Variants in COL8A2 observed in about 807,000 individuals in gnomAD.
COL8A2 encodes collagen type VIII alpha 2 chain.
Under a neutral mutation model 24.0 loss-of-function variants are expected in COL8A2, and 16 were observed. The ratio of observed to expected loss-of-function variants is 0.67; its 90% CI spans 0.45 to 1.01. The LOEUF (loss-of-function observed/expected upper bound fraction) is 1.01. COL8A2 is among the 50% of genes least tolerant of loss of function. The pLI is 0.00. For synonymous variants in COL8A2, 466 were observed against 424.5 expected, an observed-to-expected ratio of 1.10 and a Z score of -1.20; for missense variants, 818 against 942.4, an observed-to-expected ratio of 0.87 and a Z score of 1.73.
chr1:36,105,430 C>T (rs1338864896), intron 2 of COL8A2, among the ~76,000 whole-genome samples: 6 of 152,210 alleles, frequency 3.9e-5, no homozygotes, highest in Non-Finnish European at 8.8e-5. Context: ...ATGGAAGCTC[C>T]AACTGTAAGA....
intron 2 of COL8A2, 121 bp from the exon 3 acceptor site, chr1:36,100,379 A>G: frequency 1.1e-6 from 1 of 936,596 alleles, no homozygotes. Flanking sequence ...AAGGCTGAGA[A>G]GCAATTCCGA....
chr1:36,099,632 T>G, intron 3 of COL8A2, 145 bp from the exon 4 acceptor site: 1 of 699,804 alleles, frequency 1.4e-6, no homozygotes, highest in Admixed American at 2.3e-5. Context: ...AGATGGGGTT[T>G]GGGGGTGGCC....
At chr1:36,112,809 C>T (rs1000296403) in intron 2 of COL8A2, among the ~76,000 whole-genome samples, 1 of 152,152 alleles carries the variant, frequency 6.6e-6, no homozygotes, top group African/African-American at 2.4e-5. Flanking sequence ...TTCTGGGGCC[C>T]CATCGAGATT....
intron 3 of COL8A2, 57 bp from the exon 4 acceptor site, chr1:36,099,544 C>A: frequency 8.1e-7 from 1 of 1,233,768 alleles, no homozygotes; most frequent in South Asian, 1.3e-5. Context: ...ACAGGGGACC[C>A]CATCTACCCA....
Position 36,123,053 on chromosome 1 carries a change from T to C in COL8A2, c.-62+2004A>G, listed in dbSNP as rs1462192283. Among the ~76,000 whole-genome samples the C allele has an allele frequency of 6.6e-6, 1 of 152,076 alleles. No homozygotes were observed. The highest frequency in any genetic ancestry group is 2.4e-5 in the African/African-American group (1 of 41,410). On this transcript the variant is annotated intron_variant, in intron 1 of 3. Coordinates refer to ENST00000397799, the MANE Select transcript of COL8A2 (RefSeq NM_005202.4). The surrounding 1 kb of genome is among the most constrained non-coding windows in gnomAD (Gnocchi z 4.1). ...CTTCGAAAGCCCTGGCCAGATTACC[T>C]CTTAGGTGCCACCTTCCCTGATCTG...
intron 1 of COL8A2, among the ~76,000 whole-genome samples, chr1:36,121,718 A>T (rs921057731): frequency 2.2e-3 from 12 of 5,506 alleles, no homozygotes; most frequent in Non-Finnish European, 0.01. Flanking sequence ...AAAAAAAATT[A>T]AAAAAAAAAG....
rs1643714587 is a variant in COL8A2, at chr1:36,103,685, G to T, written c.-16-3427C>A. On this transcript the variant is annotated intron_variant, in intron 2 of 3. Coordinates refer to ENST00000397799, the MANE Select transcript of COL8A2 (RefSeq NM_005202.4). Reference sequence around the variant, plus strand: ...TGCAACCTCTGCTTCCCGGGTTCAAGCTATTCTCCTGCCTCAGCCTCCTGA... The same window carrying T: ...TGCAACCTCTGCTTCCCGGGTTCAATCTATTCTCCTGCCTCAGCCTCCTGA... Among the ~76,000 whole-genome samples the T allele has an allele frequency of 3.3e-5, 5 of 150,870 alleles. No individual in the cohort carries two copies. In the South Asian group the frequency reaches 1.1e-3, roughly 32 times the overall value.
intron 2 of COL8A2, among the ~76,000 whole-genome samples, chr1:36,104,752 G>A (rs942994045): frequency 3.3e-5 from 5 of 152,118 alleles, no homozygotes; most frequent in East Asian, 1.9e-4. Context: ...CCGAGGTCGC[G>A]CCACTGCACT....
In COL8A2 at chr1:36,098,678, G is replaced by C. The variant is rs1169373898; in HGVS notation, c.1003C>G (p.Leu335Val). The change falls in exon 4 of 4, where the codon CTC becomes GTC. Residue 335 changes from leucine (L) to valine (V), a missense_variant. This residue lies in a region of COL8A2 where 573 missense variants were observed against 616.8 expected (regional missense o/e 0.93). Coordinates refer to ENST00000397799, the MANE Select transcript of COL8A2 (RefSeq NM_005202.4). ...GDRGPAGVPGLLGDRGEPGED... is the reference protein window; with the variant it reads ...GDRGPAGVPGVLGDRGEPGED... ...CCTGGCTCACCCCTGTCCCCCAAGAGTCCTGGGACCCCAGCTGGGCCCCTG... is the reference window on the plus strand; with the variant it reads ...CCTGGCTCACCCCTGTCCCCCAAGACTCCTGGGACCCCAGCTGGGCCCCTG... The C allele has an allele frequency of 6.2e-7, 1 of 1,609,684 alleles. No individual in the cohort carries two copies. The highest frequency in any genetic ancestry group is 1.7e-5 in the Admixed American group (1 of 59,910).
Position 36,096,951 on chromosome 1 carries a change from G to A in COL8A2, c.*618C>T, listed in dbSNP as rs1238165788. The A allele has an allele frequency of 6.5e-6, 1 of 153,292 alleles. No homozygotes were observed. Among genetic ancestry groups the A allele is most frequent in the Non-Finnish European group, 1.5e-5 (1 of 68,864 alleles). The allele number at this position is 153,292 out of a possible 1,614,324, so 9.5% of individuals were successfully genotyped here. On this transcript the variant is annotated 3_prime_UTR_variant, in exon 4 of 4. Coordinates refer to ENST00000397799, the MANE Select transcript of COL8A2 (RefSeq NM_005202.4). ...GCTGCCACTGGAGCAGTGAAAGGGA[G>A]GTTGCCCTTTCCCAGGGCAACAGGC...
Position 36,098,767 on chromosome 1 carries a change from C to T in COL8A2, c.914G>A (p.Gly305Asp). ...AGTGGGGCCTATCAGCCCAGGGGGG[C>T]CCCGGGTCCCTGGCTCCCCTTTGGC... Reference protein sequence around the residue: ...SGAKGEPGTRGPPGLIGPTGY... With the variant: ...SGAKGEPGTRDPPGLIGPTGY... The change falls in exon 4 of 4, where the codon GGC becomes GAC. Residue 305 changes from glycine to aspartate, a missense_variant. Coordinates refer to ENST00000397799, the MANE Select transcript of COL8A2 (RefSeq NM_005202.4). 1 of 1,611,872 alleles carries T rather than the reference C, an allele frequency of 6.2e-7. No homozygotes were observed. Among genetic ancestry groups the T allele is most frequent in the Non-Finnish European group, 8.5e-7 (1 of 1,179,658 alleles).
chr1:36,096,497 A>G lies in COL8A2; in HGVS notation c.*1072T>C, dbSNP rs747883322. 1.3e-5 allele frequency: 2 copies of G among 152,054 alleles called. No individual in the cohort carries two copies. The highest frequency in any genetic ancestry group is 2.4e-5 in the African/African-American group (1 of 41,360). The allele number at this position is 152,054 out of a possible 1,614,324, so 9.4% of individuals were successfully genotyped here. A position where few individuals can be genotyped will look rare whatever the true frequency, so the allele number is the denominator to read the frequency against. ...CCTCTTGTACACACATACACCCACC[A>G]TATGGTTCTTATTAAGGAAAAGGAA... is the stretch of plus-strand genomic sequence containing the variant. On this transcript the variant is annotated 3_prime_UTR_variant, in exon 4 of 4. Coordinates refer to ENST00000397799, the MANE Select transcript of COL8A2 (RefSeq NM_005202.4).
intron 2 of COL8A2, among the ~76,000 whole-genome samples, chr1:36,107,140 A>G (rs1286542203): frequency 6.6e-6 from 1 of 152,198 alleles, no homozygotes; most frequent in Non-Finnish European, 1.5e-5. Flanking sequence ...GCGGTGGCTC[A>G]TGCCTGTAAT....
At chr1:36,101,716 G>A (rs570851850) in intron 2 of COL8A2, among the ~76,000 whole-genome samples, 55 of 152,264 alleles carry the variant, frequency 3.6e-4, no homozygotes, top group South Asian at 4.1e-4. Flanking sequence ...ATGTGGTATC[G>A]CCATACAATG....
At position 36,125,078 on chromosome 1, in the gene COL8A2, G is replaced by A; in HGVS notation, c.-83C>T. On this transcript the variant is annotated 5_prime_UTR_variant, in exon 1 of 4. Coordinates refer to ENST00000397799, the MANE Select transcript of COL8A2 (RefSeq NM_005202.4). This position sits in a 1 kb window ranked among gnomAD's most constrained non-coding sequence, Gnocchi z 4.5. ...TTACCTGCGGGCGCGGCCGCCGGGC[G>A]CCGCTCCCGGCCCTCGAGGGCGGCC... 1.0e-6 allele frequency: 1 copy of A among 979,520 alleles called. No homozygotes were observed. Among genetic ancestry groups the A allele is most frequent in the Non-Finnish European group, 1.2e-6 (1 of 826,164 alleles). 60.7% of individuals were successfully genotyped at this position (979,520 alleles called of 1,614,324 possible). A position where few individuals can be genotyped will look rare whatever the true frequency, so the allele number is the denominator to read the frequency against.
At chr1:36,120,179 T>C (rs1643900123) in intron 1 of COL8A2, among the ~76,000 whole-genome samples, 1 of 152,142 alleles carries the variant, frequency 6.6e-6, no homozygotes, top group African/African-American at 2.4e-5. Context: ...CCACACACTG[T>C]AGACGTACGA....
chr1:36,106,884 C>T (rs1213920261), intron 2 of COL8A2, among the ~76,000 whole-genome samples: 2 of 152,180 alleles, frequency 1.3e-5, no homozygotes, highest in Non-Finnish European at 2.9e-5. Flanking sequence ...CTGCGTTCTG[C>T]TCGCTGAGGT....
intron 2 of COL8A2, among the ~76,000 whole-genome samples, chr1:36,109,639 A>C (rs928540451): frequency 6.8e-6 from 1 of 147,604 alleles, no homozygotes; most frequent in Non-Finnish European, 1.5e-5. Context: ...GCACGATCTC[A>C]GCTCACTGCA....
At position 36,098,115 on chromosome 1, in the gene COL8A2, CCCCGGAGGG is replaced by C. The variant is rs746919067; in HGVS notation, c.1557_1565del (p.Pro529_Gly531del). 5.3e-5 allele frequency: 79 copies of C among 1,499,256 alleles called. No individual in the cohort carries two copies. The highest frequency in any genetic ancestry group is 2.4e-4 in the Admixed American group (10 of 42,124). 92.9% of individuals were successfully genotyped at this position (1,499,256 alleles called of 1,614,324 possible). A position where few individuals can be genotyped will look rare whatever the true frequency, so the allele number is the denominator to read the frequency against. On this transcript the variant is annotated inframe_deletion, in exon 4 of 4. Coordinates refer to ENST00000397799, the MANE Select transcript of COL8A2 (RefSeq NM_005202.4). ...CAGGGGGTCCCGGGGGCCCGGGAGGCCCCGGAGGGCCCGTGATTCCAGGGGAGCCAGGGA... is the reference window on the plus strand; with the variant it reads ...CAGGGGGTCCCGGGGGCCCGGGAGGCCCCGTGATTCCAGGGGAGCCAGGGA...
Sources: allele counts gnomAD v4.1 joint callset (sites outside exome capture counted in the v4.1 genomes callset), GRCh38; gene constraint gnomAD v4.1.1; regional missense constraint gnomAD v4.1.1; non-coding constraint Gnocchi (gnomAD v3.1); transcripts MANE v1.5; gene names NCBI Gene and HGNC (gene_info 2026-07-23, HGNC 2026-07-21).